The following FARP1 variants were observed in gnomAD, a reference collection of about 807,000 sequenced individuals.
FARP1 encodes FERM, ARH/RhoGEF and pleckstrin domain protein 1.
In FARP1, 52 loss-of-function variants were observed where a neutral mutation model predicts 128.8. The ratio of observed to expected loss-of-function variants is 0.40; its 90% CI spans 0.32 to 0.51. FARP1 has a LOEUF of 0.51. FARP1 is among the 20% of genes least tolerant of loss of function. FARP1 has a pLI of 0.45. For synonymous variants in FARP1, 580 were observed against 551.8 expected, an observed-to-expected ratio of 1.05 and a Z score of -0.72; for missense variants, 1,333 against 1,367.9, an observed-to-expected ratio of 0.97 and a Z score of 0.40.
Position 98,252,308 on chromosome 13 carries a change from A to C in FARP1, c.171+38895A>C, listed in dbSNP as rs146616715. ...ATTCAATGTGAGACTCATAAGACTAAAAGAATATCAGTGCATGTGATGTGA... is the reference window on the plus strand; with the variant it reads ...ATTCAATGTGAGACTCATAAGACTACAAGAATATCAGTGCATGTGATGTGA... On this transcript the variant is annotated intron_variant, in intron 2 of 26. Coordinates refer to ENST00000319562, the MANE Select transcript of FARP1 (RefSeq NM_005766.4). 8.5e-5 allele frequency among the ~76,000 whole-genome samples: 13 copies of C among 152,318 alleles called. No homozygotes were observed. In the East Asian group the frequency reaches 2.5e-3, roughly 29 times the overall value.
chr13:98,245,611 T>C (rs1460123376), intron 2 of FARP1, among the ~76,000 whole-genome samples: 1 of 152,236 alleles, frequency 6.6e-6, no homozygotes, highest in Non-Finnish European at 1.5e-5. Context: ...GTGTATTTCA[T>C]TATTAATACA....
intron 2 of FARP1, among the ~76,000 whole-genome samples, chr13:98,230,457 T>A (rs1391629785): frequency 1.3e-5 from 2 of 152,124 alleles, no homozygotes; most frequent in East Asian, 3.8e-4. Flanking sequence ...TTGCAGTTGT[T>A]TTCTTTTATC....
chr13:98,150,653 C>G (rs1393719210), intron 1 of FARP1, among the ~76,000 whole-genome samples: 1 of 151,990 alleles, frequency 6.6e-6, no homozygotes, highest in African/African-American at 2.4e-5. Context: ...GTCTGTAAGG[C>G]AAGAGAAAAG....
chr13:98,295,094 CACACACACACATAT>C (rs1172828263), intron 2 of FARP1, among the ~76,000 whole-genome samples: 5,914 of 40,436 alleles, frequency 0.15, 327 homozygotes, highest in East Asian at 0.28. Flanking sequence ...CACACACACA[CACACACACACATAT>C]ATCCCCAGGC....
At chr13:98,394,488 T>G (rs373314380) in intron 12 of FARP1, among the ~76,000 whole-genome samples, 7 of 152,342 alleles carry the variant, frequency 4.6e-5, no homozygotes, top group African/African-American at 1.7e-4. Flanking sequence ...AAGGGCCGTC[T>G]TGTTCCGTAG....
At chr13:98,411,864 C>G (rs1257122221) in intron 15 of FARP1, 37 bp from the exon 16 acceptor site, 1 of 1,605,426 alleles carries the variant, frequency 6.2e-7, no homozygotes, top group African/African-American at 1.3e-5. Context: ...CGTCATTGAT[C>G]TTTCCACCCG....
intron 16 of FARP1, among the ~76,000 whole-genome samples, chr13:98,418,787 T>C (rs1891483051): frequency 6.6e-6 from 1 of 152,222 alleles, no homozygotes; most frequent in African/African-American, 2.4e-5. Flanking sequence ...GACACAGCTC[T>C]TCTCTTCTAC....
At chr13:98,151,129 GAGA>G (rs987462623) in intron 1 of FARP1, among the ~76,000 whole-genome samples, 7 of 151,962 alleles carry the variant, frequency 4.6e-5, no homozygotes, top group Non-Finnish European at 1.5e-5. Context: ...TCTTCATTAT[GAGA>G]AGGTGAGTAC....
In FARP1 at chr13:98,418,285, T is replaced by TTG. The variant is rs1421135000; in HGVS notation, c.1826+6252_1826+6253insGT. On this transcript the variant is annotated intron_variant, in intron 16 of 26. Coordinates refer to ENST00000319562, the MANE Select transcript of FARP1 (RefSeq NM_005766.4). ...GTTTTGTTTTGTTTTGTTTTTTGTT[T>TTG]TTTTTTTGAGATGGAGTTTCCCTCT... Among the ~76,000 whole-genome samples, 386 of 151,898 alleles carry TTG rather than the reference T, an allele frequency of 2.5e-3. 2 individuals are homozygous for TTG. The highest frequency in any genetic ancestry group is 8.6e-3 in the African/African-American group (353 of 41,216).
intron 8 of FARP1, among the ~76,000 whole-genome samples, chr13:98,387,713 C>T (rs892847153): frequency 1.3e-5 from 2 of 152,186 alleles, no homozygotes; most frequent in Non-Finnish European, 2.9e-5. Context: ...GAATCCGGCC[C>T]AGAGACTGTG....
chr13:98,262,816 A>C (rs1883943606), intron 2 of FARP1, among the ~76,000 whole-genome samples: 2 of 152,208 alleles, frequency 1.3e-5, no homozygotes, highest in Admixed American at 6.5e-5. Context: ...TTACCAGATC[A>C]TTCAAATTAC....
At chr13:98,417,479 A>AAAAAAAAAAC (rs1891429593) in intron 16 of FARP1, among the ~76,000 whole-genome samples, 1 of 143,396 alleles carries the variant, frequency 7.0e-6, no homozygotes, top group African/African-American at 2.7e-5. Flanking sequence ...AAAAAAAAAA[A>AAAAAAAAAAC]AAAAAGAACA....
intron 2 of FARP1, among the ~76,000 whole-genome samples, chr13:98,321,260 A>G (rs1886981458): frequency 6.6e-6 from 1 of 152,186 alleles, no homozygotes; most frequent in African/African-American, 2.4e-5. Flanking sequence ...TGAGGATCCC[A>G]TTTGTTTCTG....
At chr13:98,308,418 T>A (rs577029767) in intron 2 of FARP1, among the ~76,000 whole-genome samples, 5 of 151,272 alleles carry the variant, frequency 3.3e-5, no homozygotes, top group Non-Finnish European at 7.4e-5. Context: ...CCCCCTTAGG[T>A]GGTGCAGCGA....
chr13:98,442,834 T>C (rs9517301), intron 24 of FARP1, among the ~76,000 whole-genome samples: 53,943 of 152,214 alleles, frequency 0.35, 9,749 homozygotes, highest in East Asian at 0.46. Context: ...AGGAACCGTC[T>C]TGGCCTTGCT....
At chr13:98,373,533 G>GACAGACACACACACACACACACACAC in intron 5 of FARP1, among the ~76,000 whole-genome samples, 1 of 131,070 alleles carries the variant, frequency 7.6e-6, no homozygotes, top group East Asian at 2.2e-4. Context: ...CAGACAGACA[G>GACAGACACACACACACACACACACAC]ACACACACAC....
At position 98,256,244 on chromosome 13, in the gene FARP1, G is replaced by A. The variant is rs1344875262; in HGVS notation, c.171+42831G>A. 2.6e-5 allele frequency among the ~76,000 whole-genome samples: 4 copies of A among 152,314 alleles called. No individual in the cohort carries two copies. In the East Asian group the frequency reaches 7.7e-4, roughly 29 times the overall value. ...GTTAGGAATGAAAGTGAATAGGGACGTTGTGCTGTATTTTAGGTAATGAAT... is the reference window on the plus strand; with the variant it reads ...GTTAGGAATGAAAGTGAATAGGGACATTGTGCTGTATTTTAGGTAATGAAT... On this transcript the variant is annotated intron_variant, in intron 2 of 26. Transcript: ENST00000319562.
chr13:98,427,974 T>A (rs935282440), intron 17 of FARP1, among the ~76,000 whole-genome samples: 1 of 152,252 alleles, frequency 6.6e-6, no homozygotes, highest in African/African-American at 2.4e-5. Flanking sequence ...AGCAGAAGTT[T>A]CCAGAAATGT....
intron 2 of FARP1, among the ~76,000 whole-genome samples, chr13:98,285,207 G>T (rs2139641464): frequency 6.6e-6 from 1 of 152,040 alleles, no homozygotes; most frequent in Non-Finnish European, 1.5e-5. Flanking sequence ...ATTTTGAAGG[G>T]AAAAAATGTA....
Sources: allele counts gnomAD v4.1 joint callset (sites outside exome capture counted in the v4.1 genomes callset), GRCh38; gene constraint gnomAD v4.1.1; transcripts MANE v1.5; gene names NCBI Gene and HGNC (gene_info 2026-07-23, HGNC 2026-07-21).